The following CHD5 variants were observed in gnomAD, a reference collection of about 807,000 sequenced individuals.
The protein encoded by CHD5 is ATP-dependent chromatin remodeler CHD5.
Under a neutral mutation model 230.3 loss-of-function variants are expected in CHD5, and 69 were observed. The observed-to-expected ratio is 0.30, with a 90% CI of 0.25 to 0.37. The LOEUF (loss-of-function observed/expected upper bound fraction) is 0.37. Among genes scored for constraint, CHD5 ranks in the 10% least tolerant of loss-of-function variants. The pLI, the probability that CHD5 is intolerant of heterozygous loss-of-function variation, is 1.00. For missense variants in CHD5, 1,827 were observed against 2,622.8 expected (o/e 0.70, Z 6.63); for synonymous variants, 1,064 against 1,065.9 (o/e 1.00, Z 0.03).
chr1:6,171,061 A>C (rs1195637309), intron 1 of CHD5, among the ~76,000 whole-genome samples: 1 of 152,168 alleles, frequency 6.6e-6, no homozygotes, highest in Non-Finnish European at 1.5e-5. Context: ...GCTTCCTCCC[A>C]GCTGTCCCCT....
intron 34 of CHD5, 25 bp downstream of exon 34, chr1:6,112,884 T>C: frequency 6.4e-7 from 1 of 1,571,350 alleles, no homozygotes; most frequent in East Asian, 2.2e-5. Context: ...GGGGCACAGG[T>C]AGAGAACACA....
intron 34 of CHD5, 33 bp from the exon 35 acceptor site, chr1:6,112,310 C>A (rs949541091): frequency 6.2e-7 from 1 of 1,605,488 alleles, no homozygotes; most frequent in East Asian, 2.2e-5. Flanking sequence ...ATTCATCCAT[C>A]CATCCAAAAA....
intron 15 of CHD5, among the ~76,000 whole-genome samples, chr1:6,138,459 C>T (rs895755077): frequency 6.6e-6 from 1 of 152,146 alleles, no homozygotes; most frequent in Non-Finnish European, 1.5e-5. Context: ...TGTTTTCCTG[C>T]GAGCCCTGCA....
Position 6,126,675 on chromosome 1 carries a change from C to A in CHD5, c.3975G>T (p.Arg1325=). The change falls in exon 26 of 42, where the codon CGG becomes CGT. Residue 1325 remains arginine (R), a synonymous_variant. Transcript: ENST00000262450. This position sits in a 1 kb window ranked among gnomAD's most constrained non-coding sequence, Gnocchi z 5.7. ...CCTCCTGCTGCTGCTCATAGTGGTG[C>A]CGCAGCAGCTTCTCCCAGTAGTCGG... ...VDPDYWEKLL[R]HHYEQQQEDL... 6.2e-7 allele frequency: 1 copy of A among 1,614,030 alleles called. No homozygotes were observed. The highest frequency in any genetic ancestry group is 8.5e-7 in the Non-Finnish European group (1 of 1,179,998).
intron 15 of CHD5, among the ~76,000 whole-genome samples, chr1:6,139,628 A>G (rs1666798174): frequency 6.6e-6 from 1 of 150,548 alleles, no homozygotes; most frequent in African/African-American, 2.5e-5. Context: ...ATGGCGCACT[A>G]CAGCCTCGAA....
chr1:6,125,345 C>T lies in CHD5; in HGVS notation c.4261-112G>A, dbSNP rs1159071755. 10 of 1,249,138 alleles carry T rather than the reference C, an allele frequency of 8.0e-6. No homozygotes were observed. In the Admixed American group the frequency reaches 2.1e-4, roughly 26 times the overall value. The allele number at this position is 1,249,138 out of a possible 1,614,324, so 77.4% of individuals were successfully genotyped here. ...AGGAGGAGAAGGTAGGAAGGGGGCA[C>T]AGAGAAGGCAGGGGCCTCCACCTGG... On this transcript the variant is annotated intron_variant, in intron 28 of 41. Coordinates refer to ENST00000262450, the MANE Select transcript of CHD5 (RefSeq NM_015557.3). The surrounding 1 kb of genome is among the most constrained non-coding windows in gnomAD (Gnocchi z 6.7).
At chr1:6,160,356 G>A (rs1296513334) in intron 2 of CHD5, among the ~76,000 whole-genome samples, 4 of 100,780 alleles carry the variant, frequency 4.0e-5, no homozygotes, top group South Asian at 8.2e-4. Context: ...CCCCAGCCAG[G>A]GAAGGGCCCC....
Position 6,128,714 on chromosome 1 carries a change from C to A in CHD5, c.3620-105G>T. 1 of 1,273,626 alleles carries A rather than the reference C, an allele frequency of 7.9e-7. No homozygotes were observed. The allele number at this position is 1,273,626 out of a possible 1,614,324, so 78.9% of individuals were successfully genotyped here. A position where few individuals can be genotyped will look rare whatever the true frequency, so the allele number is the denominator to read the frequency against. On this transcript the variant is annotated intron_variant, in intron 23 of 41. Transcript: ENST00000262450. The surrounding 1 kb of genome is among the most constrained non-coding windows in gnomAD (Gnocchi z 7.8). ...CCTGGGCTGTCCTAGCCAGGAGATA[C>A]AGGTGGGGGGTGCAGAAGAGAGGCT...
At chr1:6,160,863 C>A (rs1490704664) in intron 2 of CHD5, among the ~76,000 whole-genome samples, 1 of 152,222 alleles carries the variant, frequency 6.6e-6, no homozygotes, top group East Asian at 1.9e-4. Flanking sequence ...AGAGGTGCTG[C>A]CCCTCGGAGA....
chr1:6,179,247 T>C (rs1667472896), intron 1 of CHD5, among the ~76,000 whole-genome samples: 1 of 152,190 alleles, frequency 6.6e-6, no homozygotes, highest in Non-Finnish European at 1.5e-5. Context: ...CCCTGGGCGA[T>C]GGTGAGGCTG....
At position 6,112,942 on chromosome 1, in the gene CHD5, G is replaced by A; in HGVS notation, c.4969C>T (p.His1657Tyr). The A allele has an allele frequency of 6.2e-7, 1 of 1,613,986 alleles. No homozygotes were observed. The highest frequency in any genetic ancestry group is 2.2e-5 in the East Asian group (1 of 44,882). The change falls in exon 34 of 42, where the codon CAC becomes TAC. Residue 1657 changes from histidine to tyrosine, a missense_variant. By Grantham distance (83) the His-to-Tyr change is moderately conservative. Transcript: ENST00000262450. Reference sequence around the variant, plus strand: ...AGTTCGGAACTGTCCCCTCTGCTGTGGATCAAGCTCAGCTCCAGCTTGTCC... The same window carrying A: ...AGTTCGGAACTGTCCCCTCTGCTGTAGATCAAGCTCAGCTCCAGCTTGTCC... ...ILDKLELSLIHSRGDSSELRP... is the reference protein window; with the variant it reads ...ILDKLELSLIYSRGDSSELRP...
rs1666620266 is a variant in CHD5, at chr1:6,129,586, A to G, written c.3388-517T>C. On this transcript the variant is annotated intron_variant, in intron 22 of 41. Transcript: ENST00000262450. This position sits in a 1 kb window ranked among gnomAD's most constrained non-coding sequence, Gnocchi z 6.8. The stretch of plus-strand genomic sequence containing the variant: ...AGGTGACCTGGGTGTGGCCGTGTAT[A>G]TCTGTGTATGTGCATGGGCGCACAC... 1.3e-5 allele frequency among the ~76,000 whole-genome samples: 2 copies of G among 152,160 alleles called. No individual in the cohort carries two copies. The highest frequency in any genetic ancestry group is 4.1e-4 in the South Asian group (2 of 4,830).
intron 3 of CHD5, among the ~76,000 whole-genome samples, chr1:6,157,887 C>T (rs1208206830): frequency 6.6e-6 from 1 of 152,222 alleles, no homozygotes; most frequent in Non-Finnish European, 1.5e-5. Flanking sequence ...CACAACACTC[C>T]ACTGACTCAT....
At chr1:6,145,903 C>G (rs111263343) in intron 11 of CHD5, among the ~76,000 whole-genome samples, 4 of 152,332 alleles carry the variant, frequency 2.6e-5, no homozygotes, top group South Asian at 2.1e-4. Flanking sequence ...GGGCGTCCCT[C>G]GTCCTCAGAA....
intron 20 of CHD5, among the ~76,000 whole-genome samples, chr1:6,133,569 G>A (rs866663676): frequency 2.0e-5 from 3 of 152,230 alleles, no homozygotes; most frequent in African/African-American, 7.2e-5. Context: ...CCACAGGGTC[G>A]GGTACCTGTC....
Position 6,134,640 on chromosome 1 carries a change from C to T in CHD5, c.3012+78G>A. ...CCAGGAGAACCTATCACAGCGGCCA[C>T]AGGGACCTACCATGGCGGCCACAGG... On this transcript the variant is annotated intron_variant, in intron 19 of 41. Coordinates refer to ENST00000262450, the MANE Select transcript of CHD5 (RefSeq NM_015557.3). The surrounding 1 kb of genome is among the most constrained non-coding windows in gnomAD (Gnocchi z 6.3). 8.3e-6 allele frequency: 12 copies of T among 1,445,758 alleles called. No individual in the cohort carries two copies. Among genetic ancestry groups the T allele is most frequent in the South Asian group, 1.2e-5 (1 of 86,054 alleles). The allele number at this position is 1,445,758 out of a possible 1,614,324, so 89.6% of individuals were successfully genotyped here. A position where few individuals can be genotyped will look rare whatever the true frequency, so the allele number is the denominator to read the frequency against.
intron 3 of CHD5, among the ~76,000 whole-genome samples, chr1:6,156,205 G>A (rs750223490): frequency 2.0e-5 from 3 of 152,172 alleles, no homozygotes; most frequent in Non-Finnish European, 2.9e-5. Flanking sequence ...TGATGAGGCC[G>A]CAGGGCTCCA....
chr1:6,124,188 AG>A, intron 30 of CHD5, 81 bp from the exon 31 acceptor site: 4 of 1,324,730 alleles, frequency 3.0e-6, no homozygotes, highest in Non-Finnish European at 3.1e-6. Flanking sequence ...CAGGGCAGCC[AG>A]GGGGGCTGAA....
chr1:6,124,021 C>G lies in CHD5; in HGVS notation c.4626G>C (p.Val1542=). The G allele has an allele frequency of 3.7e-6, 6 of 1,612,818 alleles. No individual in the cohort carries two copies. Among genetic ancestry groups the G allele is most frequent in the Non-Finnish European group, 5.1e-6 (6 of 1,179,696 alleles). Residue 1542 remains valine (V), a synonymous_variant, in exon 31 of 42, where the codon GTG becomes GTC. Coordinates refer to ENST00000262450, the MANE Select transcript of CHD5 (RefSeq NM_015557.3). The part of the protein sequence containing the change: ...EGPEGKKSGE[V]ISSDPNTPVP... ...CTGGTGTGTTGGGGTCCGAGGAGAT[C>G]ACCTCGCCCGACTTCTTCCCCTCGG...
Sources: gnomAD v4.1 joint callset for allele counts (sites outside exome capture counted in the v4.1 genomes callset) on GRCh38, gnomAD v4.1.1 for gene constraint, Gnocchi (gnomAD v3.1) non-coding constraint, MANE v1.5 for transcripts, NCBI Gene and HGNC (gene_info 2026-07-23, HGNC 2026-07-21) for gene names.